TBL1XR1: variants seen among roughly 807,000 people sequenced by gnomAD.
The protein encoded by TBL1XR1 is TBL1X/Y related 1, also known as F-box-like/WD repeat-containing protein TBL1XR1.
In TBL1XR1, 5 loss-of-function variants were observed where a neutral mutation model predicts 66.9. The ratio of observed to expected loss-of-function variants is 0.07; its 90% CI spans 0.04 to 0.16. The LOEUF is 0.16. TBL1XR1 is among the 10% of genes least tolerant of loss of function. TBL1XR1 has a pLI of 1.00. For missense variants in TBL1XR1, 238 were observed against 623.2 expected (o/e 0.38, Z 6.58); for synonymous variants, 210 against 206.0 (o/e 1.02, Z -0.17).
chr3:177,096,335 TACACAC>T (rs6148210), intron 2 of TBL1XR1, among the ~76,000 whole-genome samples: 1 of 150,204 alleles, frequency 6.7e-6, no homozygotes, highest in African/African-American at 2.5e-5. Flanking sequence ...CATACATACA[TACACAC>T]ACACACACAC....
At chr3:177,054,804 T>G (rs1175504471) in intron 3 of TBL1XR1, among the ~76,000 whole-genome samples, 1 of 152,200 alleles carries the variant, frequency 6.6e-6, no homozygotes. Context: ...ACCTGGTTTA[T>G]AGGTCTCCAT....
upstream of TBL1XR1, among the ~76,000 whole-genome samples, chr3:177,197,978 C>T (rs1737139256): frequency 2.6e-5 from 4 of 150,988 alleles, no homozygotes; most frequent in South Asian, 6.3e-4. Context: ...TCCCCAAGGA[C>T]GCCGCGGGCT....
intron 1 of TBL1XR1, among the ~76,000 whole-genome samples, chr3:177,129,019 C>T (rs964626642): frequency 6.6e-6 from 1 of 152,060 alleles, no homozygotes; most frequent in Non-Finnish European, 1.5e-5. Context: ...ATGTTCAGCA[C>T]GGTCATTTTT....
intron 14 of TBL1XR1, among the ~76,000 whole-genome samples, chr3:177,029,311 A>C (rs192312795): frequency 1.3e-5 from 2 of 152,102 alleles, no homozygotes; most frequent in African/African-American, 4.8e-5. Context: ...ACATCTAAAC[A>C]TTAACATTAA....
chr3:177,040,905 G>A (rs1715493260), intron 10 of TBL1XR1, among the ~76,000 whole-genome samples: 1 of 152,110 alleles, frequency 6.6e-6, no homozygotes, highest in South Asian at 2.1e-4. Flanking sequence ...AACTTACTAT[G>A]GAGGTTACAT....
intron 1 of TBL1XR1, among the ~76,000 whole-genome samples, chr3:177,116,450 T>C (rs1221498887): frequency 6.6e-6 from 1 of 152,204 alleles, no homozygotes; most frequent in East Asian, 1.9e-4. Context: ...CCCAAACTCC[T>C]CTTACATTAG....
At chr3:177,170,566 A>G (rs1733338133) in intron 1 of TBL1XR1, among the ~76,000 whole-genome samples, 1 of 152,090 alleles carries the variant, frequency 6.6e-6, no homozygotes, top group African/African-American at 2.4e-5. Flanking sequence ...TAGGCACTCA[A>G]TGATAGAATC....
At chr3:177,031,340 ATTT>A (rs1260157005) in intron 14 of TBL1XR1, among the ~76,000 whole-genome samples, 1 of 145,286 alleles carries the variant, frequency 6.9e-6, no homozygotes, top group Admixed American at 6.9e-5. Flanking sequence ...CTTAATTTTT[ATTT>A]TTTTTTTTTG....
At chr3:177,168,955 A>G (rs1235691040) in intron 1 of TBL1XR1, among the ~76,000 whole-genome samples, 1 of 151,880 alleles carries the variant, frequency 6.6e-6, no homozygotes, top group East Asian at 1.9e-4. Context: ...CAATCCAACT[A>G]CCCTCTAGTC....
intron 12 of TBL1XR1, among the ~76,000 whole-genome samples, chr3:177,036,539 C>T (rs1714810658): frequency 6.6e-6 from 1 of 152,244 alleles, no homozygotes; most frequent in African/African-American, 2.4e-5. Flanking sequence ...TGGCACAAGG[C>T]CCTCTGGACA....
intron 10 of TBL1XR1, chr3:177,040,950 A>T (rs1400302060): frequency 6.6e-6 from 1 of 152,206 alleles, no homozygotes; most frequent in Non-Finnish European, 1.5e-5. Flanking sequence ...AAAATATTTA[A>T]TCCTCCCTCA....
At chr3:177,147,956 A>C (rs1177881079) in intron 1 of TBL1XR1, among the ~76,000 whole-genome samples, 1 of 152,264 alleles carries the variant, frequency 6.6e-6, no homozygotes, top group African/African-American at 2.4e-5. Flanking sequence ...CACAGGGGAC[A>C]CAGAGCTACC....
At chr3:177,076,089 T>A (rs2108585181) in intron 2 of TBL1XR1, among the ~76,000 whole-genome samples, 1 of 152,370 alleles carries the variant, frequency 6.6e-6, no homozygotes, top group East Asian at 1.9e-4. Context: ...GAAGGCTCTC[T>A]GCTTCATAAA....
chr3:177,085,901 G>A (rs924803566), intron 2 of TBL1XR1, among the ~76,000 whole-genome samples: 8 of 152,070 alleles, frequency 5.3e-5, no homozygotes, highest in Non-Finnish European at 1.0e-4. Context: ...AAATTTAAAA[G>A]AATGCTGGAG....
intron 14 of TBL1XR1, among the ~76,000 whole-genome samples, chr3:177,030,225 T>A (rs969573248): frequency 7.2e-5 from 11 of 151,896 alleles, no homozygotes; most frequent in Non-Finnish European, 1.2e-4. Context: ...GTTCCAGCAA[T>A]GTTGTACATT....
chr3:177,156,561 A>G lies in TBL1XR1; in HGVS notation c.-122+40560T>C, dbSNP rs1407564392. Among the ~76,000 whole-genome samples the G allele has an allele frequency of 2.7e-5, 4 of 150,624 alleles. No individual in the cohort carries two copies. The East Asian group carries it at 7.7e-4, about 29-fold the overall frequency. ...CACACACACACACTTATATATATAT[A>G]CACACACATACATTTATATATATAT... is the stretch of plus-strand genomic sequence containing the variant. On this transcript the variant is annotated intron_variant, in intron 1 of 15. Coordinates refer to ENST00000457928, the MANE Select transcript of TBL1XR1 (RefSeq NM_024665.7).
chr3:177,197,121 C>G lies in TBL1XR1; in HGVS notation c.-122G>C, dbSNP rs1333144441. 6.6e-6 allele frequency: 1 copy of G among 152,384 alleles called. No individual in the cohort carries two copies. 9.4% of individuals were successfully genotyped at this position (152,384 alleles called of 1,614,324 possible). A position where few individuals can be genotyped will look rare whatever the true frequency, so the allele number is the denominator to read the frequency against. ...CCAGGGTCCGGCCCCCAGCGCTTAC[C>G]TGGAAACGGTGGCCTCCAACGCCGC... On this transcript the variant is annotated splice_region_variant and 5_prime_UTR_variant, in exon 1 of 16. Transcript: ENST00000457928.
In TBL1XR1 at chr3:177,034,316, T is replaced by C; in HGVS notation, c.1132A>G (p.Met378Val). 6.3e-7 allele frequency: 1 copy of C among 1,576,682 alleles called. No homozygotes were observed. The highest frequency in any genetic ancestry group is 8.6e-7 in the Non-Finnish European group (1 of 1,168,336). ...TCATGGACACAATTGTCTTGTTTCA[T>C]ACTCCATATCTAAACAAAAAAGAAA... ...SDDMTLKIWS[M>V]KQDNCVHDLQ... The change falls in exon 13 of 16, where the codon ATG (methionine) becomes GTG (valine). Residue 378 changes from methionine to valine, a missense_variant. Physicochemically the swap from Met to Val is conservative, Grantham distance 21. Around this residue, in one of 8 missense-constraint regions of TBL1XR1, gnomAD observed 89 missense variants for 220.2 expected, o/e 0.40. Transcript: ENST00000457928.
intron 3 of TBL1XR1, among the ~76,000 whole-genome samples, 162 bp from the exon 4 acceptor site, chr3:177,054,080 G>A (rs186857923): frequency 3.3e-5 from 5 of 151,950 alleles, no homozygotes; most frequent in South Asian, 4.2e-4. Context: ...GTGTGCGCGC[G>A]CGTGTGTGTG....
Sources: gnomAD v4.1 joint callset for allele counts (sites outside exome capture counted in the v4.1 genomes callset) on GRCh38, gnomAD v4.1.1 for gene constraint, gnomAD v4.1.1 regional missense constraint, MANE v1.5 for transcripts, NCBI Gene and HGNC (gene_info 2026-07-23, HGNC 2026-07-21) for gene names.